Variants in PIGT observed in about 807,000 individuals in gnomAD.
The protein encoded by PIGT is phosphatidylinositol glycan anchor biosynthesis class T, also known as GPI-anchor transamidase component PIGT.
PIGT carries 57 observed loss-of-function variants against 66.7 expected under a neutral mutation model. The ratio of observed to expected loss-of-function variants is 0.86; its 90% CI spans 0.69 to 1.07. The LOEUF (loss-of-function observed/expected upper bound fraction) is 1.07, where lower values mean the gene tolerates loss of function less well. Ranked by LOEUF, PIGT falls within the 50% of genes least tolerant of loss-of-function variation. The probability of loss-of-function intolerance (pLI) is 0.00; values close to 1 mark genes in which losing one functional copy is unlikely to be tolerated. For synonymous variants in PIGT, 362 were observed against 320.5 expected, an observed-to-expected ratio of 1.13 and a Z score of -1.38; for missense variants, 725 against 740.4, an observed-to-expected ratio of 0.98 and a Z score of 0.24.
intron 2 of PIGT, 164 bp downstream of exon 2, chr20:45,416,858 C>T: frequency 5.1e-6 from 3 of 586,976 alleles, no homozygotes; most frequent in Non-Finnish European, 8.4e-6. Flanking sequence ...GATGAATAAA[C>T]TTCCCAATCC....
chr20:45,419,917 A>T (rs1295342475), intron 5 of PIGT: 2 of 601,578 alleles, frequency 3.3e-6, no homozygotes, highest in African/African-American at 3.7e-5. Flanking sequence ...TTGATAGTAG[A>T]ATCCACTCCT....
chr20:45,420,555 C>A lies in PIGT; in HGVS notation c.895C>A (p.Pro299Thr). 6.2e-7 allele frequency: 1 copy of A among 1,613,778 alleles called. No individual in the cohort carries two copies. Among genetic ancestry groups the A allele is most frequent in the Admixed American group, 1.7e-5 (1 of 59,986 alleles). Residue 299 changes from proline (P) to threonine (T), a missense_variant, in exon 8 of 12, where the codon CCC becomes ACC. This residue lies in a region of PIGT where 559 missense variants were observed against 552.7 expected (regional missense o/e 1.01). Coordinates refer to ENST00000279036, the MANE Select transcript of PIGT (RefSeq NM_015937.6). Reference protein sequence around the residue: ...QDNETLEVHPPPTTTYQDVIL... With the variant: ...QDNETLEVHPTPTTTYQDVIL... ...CAACGAGACATTAGAGGTGCACCCA[C>A]CCCCGACCACTACATATCAGGACGT...
Position 45,418,897 on chromosome 20 carries a change from C to G in PIGT, c.411C>G (p.Ile137Met), listed in dbSNP as rs976771346. 4 of 1,613,860 alleles carry G rather than the reference C, an allele frequency of 2.5e-6. No individual in the cohort carries two copies. The African/African-American group carries it at 5.3e-5, about 22-fold the overall frequency. The change falls in exon 3 of 12, where the codon ATC becomes ATG. Residue 137 changes from isoleucine (I) to methionine (M), a missense_variant. Physicochemically the swap from Ile to Met is conservative, Grantham distance 10. Transcript: ENST00000279036. ...AGCTCAGTAATGTCCTCTCAGGGAT[C>G]TTCTGCGCCTCTCTCAACTTCATCG... is the stretch of plus-strand genomic sequence containing the variant. ...WKELSNVLSG[I>M]FCASLNFIDS...
At chr20:45,422,123 C>T (rs935426010) in intron 9 of PIGT, 1 of 152,034 alleles carries the variant, frequency 6.6e-6, no homozygotes, top group African/African-American at 2.4e-5. Flanking sequence ...AGCACTAAAG[C>T]ACTTGCCTTT....
intron 2 of PIGT, chr20:45,418,212 A>G (rs1990110265): frequency 6.4e-6 from 1 of 155,876 alleles, no homozygotes; most frequent in South Asian, 1.9e-4. Flanking sequence ...ATCAGGACTT[A>G]CCTTTATTCC....
In PIGT at chr20:45,416,191, T is replaced by C. The variant is rs751422281; in HGVS notation, c.35T>C (p.Leu12Pro). 1.3e-6 allele frequency: 2 copies of C among 1,587,886 alleles called. No homozygotes were observed. The highest frequency in any genetic ancestry group is 1.7e-6 in the Non-Finnish European group (2 of 1,168,298). The change falls in exon 1 of 12, where the codon CTG becomes CCG. Residue 12 changes from leucine to proline, a missense_variant. By Grantham distance (98) the Leu-to-Pro change is moderately conservative. This residue lies in a region of PIGT where 559 missense variants were observed against 552.7 expected (regional missense o/e 1.01). Coordinates refer to ENST00000279036, the MANE Select transcript of PIGT (RefSeq NM_015937.6). ...AAAMPLALLV[L>P]LLLGPGGWCL... ...GCTATGCCGCTTGCTCTGCTCGTCCTGTTGCTCCTGGGGCCCGGCGGCTGG... is the reference window on the plus strand; with the variant it reads ...GCTATGCCGCTTGCTCTGCTCGTCCCGTTGCTCCTGGGGCCCGGCGGCTGG...
chr20:45,424,324 G>A lies in PIGT; in HGVS notation c.1343G>A (p.Arg448Gln), dbSNP rs148710839. 9.0e-5 allele frequency: 146 copies of A among 1,614,158 alleles called. No individual in the cohort carries two copies. The highest frequency in any genetic ancestry group is 7.5e-4 in the African/African-American group (56 of 75,026). The change falls in exon 10 of 12, where the codon CGG becomes CAG. Residue 448 changes from arginine (R) to glutamine (Q), a missense_variant. By Grantham distance (43) the Arg-to-Gln change is conservative (BLOSUM62 1). Coordinates refer to ENST00000279036, the MANE Select transcript of PIGT (RefSeq NM_015937.6). The stretch of plus-strand genomic sequence containing the variant: ...ACCAAGGTTTCCATCCAGTTTGAGC[G>A]GGCGCTGCTGAAGTGGACCGAGTAC... ...SVTKVSIQFE[R>Q]ALLKWTEYTP...
chr20:45,421,566 G>A lies in PIGT; in HGVS notation c.1217G>A (p.Gly406Asp). The A allele has an allele frequency of 6.2e-7, 1 of 1,614,072 alleles. No homozygotes were observed. The highest frequency in any genetic ancestry group is 8.5e-7 in the Non-Finnish European group (1 of 1,180,010). The change falls in exon 9 of 12, where the codon GGC (glycine) becomes GAC (aspartate). Residue 406 changes from glycine (G) to aspartate (D), a missense_variant. Transcript: ENST00000279036. The stretch of plus-strand genomic sequence containing the variant: ...CACACCCTCACCATCACCTCCAAGG[G>A]CAAGGAGAACAAACCAAGTGAGGAC... ...YVHTLTITSK[G>D]KENKPSYIHY...
intron 9 of PIGT, 140 bp downstream of exon 9, chr20:45,421,723 T>A: frequency 1.5e-6 from 1 of 670,576 alleles, no homozygotes; most frequent in Non-Finnish European, 2.6e-6. Flanking sequence ...GAATAGTTTC[T>A]CAAAACTGGA....
At chr20:45,416,487 A>G (rs1045567752) in intron 1 of PIGT, 30 bp from the exon 2 acceptor site, 2 of 1,604,038 alleles carry the variant, frequency 1.2e-6, no homozygotes, top group East Asian at 4.5e-5. Context: ...CGAGGTGGGG[A>G]TCGTCACTCA....
intron 2 of PIGT, chr20:45,418,263 C>G (rs886587208): frequency 5.7e-6 from 1 of 175,014 alleles, no homozygotes; most frequent in Non-Finnish European, 1.2e-5. Flanking sequence ...TTGCCCAGCC[C>G]AGCACATTCA....
Position 45,416,176 on chromosome 20 carries a change from T to C in PIGT, c.20T>C (p.Leu7Pro). The change falls in exon 1 of 12, where the codon CTT becomes CCT. Residue 7 changes from leucine to proline, a missense_variant. Physicochemically the swap from Leu to Pro is moderately conservative, Grantham distance 98. Around this residue, in one of 3 missense-constraint regions of PIGT, gnomAD observed 559 missense variants for 552.7 expected, o/e 1.01. Coordinates refer to ENST00000279036, the MANE Select transcript of PIGT (RefSeq NM_015937.6). Reference sequence around the variant, plus strand: ...GCAGGCATGGCGGCGGCTATGCCGCTTGCTCTGCTCGTCCTGTTGCTCCTG... The same window carrying C: ...GCAGGCATGGCGGCGGCTATGCCGCCTGCTCTGCTCGTCCTGTTGCTCCTG... MAAAMP[L>P]ALLVLLLLGP... The C allele has an allele frequency of 6.3e-7, 1 of 1,578,128 alleles. No homozygotes were observed. Among genetic ancestry groups the C allele is most frequent in the Non-Finnish European group, 8.6e-7 (1 of 1,163,776 alleles).
rs1252988043 is a variant in PIGT, at chr20:45,424,226, C to T, written c.1245C>T (p.His415=). ...KGKENKPSYI[H]YQPAQDRLQP... is the part of the protein sequence containing the mutation. ...CTTGCATGTCTCCAGGTTACATCCACTACCAGCCTGCCCAGGACCGGCTGC... is the reference window on the plus strand; with the variant it reads ...CTTGCATGTCTCCAGGTTACATCCATTACCAGCCTGCCCAGGACCGGCTGC... Residue 415 remains histidine (H), a synonymous_variant, in exon 10 of 12, where the codon CAC becomes CAT. Transcript: ENST00000279036. 2 of 1,614,152 alleles carry T rather than the reference C, an allele frequency of 1.2e-6. No individual in the cohort carries two copies. The highest frequency in any genetic ancestry group is 1.7e-6 in the Non-Finnish European group (2 of 1,180,008).
At chr20:45,416,731 A>G (rs1990004549) in intron 2 of PIGT, 37 bp downstream of exon 2, 1 of 1,566,928 alleles carries the variant, frequency 6.4e-7, no homozygotes, top group African/African-American at 1.4e-5. Context: ...CAGGCCATGG[A>G]GGGAATGTGG....
intron 2 of PIGT, 85 bp from the exon 3 acceptor site, chr20:45,418,767 C>G: frequency 2.0e-6 from 3 of 1,537,362 alleles, no homozygotes; most frequent in Non-Finnish European, 2.7e-6. Context: ...CTCCTCCTAT[C>G]ATAGGTTTAG....
In PIGT at chr20:45,419,550, G is replaced by A. The variant is rs755869697; in HGVS notation, c.641G>A (p.Ser214Asn). The A allele has an allele frequency of 6.2e-7, 1 of 1,614,158 alleles. No homozygotes were observed. The highest frequency in any genetic ancestry group is 8.5e-7 in the Non-Finnish European group (1 of 1,179,986). The change falls in exon 5 of 12, where the codon AGC (serine) becomes AAC (asparagine). Residue 214 changes from serine to asparagine, a missense_variant. Coordinates refer to ENST00000279036, the MANE Select transcript of PIGT (RefSeq NM_015937.6). Reference protein sequence around the residue: ...LLKADRLFHTSYHSQAVHIRP... With the variant: ...LLKADRLFHTNYHSQAVHIRP... The stretch of plus-strand genomic sequence containing the variant: ...AAGGCAGATCGCTTGTTCCACACCA[G>A]CTACCACTCCCAGGCAGTGCATATC...
In PIGT at chr20:45,419,348, A is replaced by C. The variant is rs587777027; in HGVS notation, c.547A>C (p.Thr183Pro). The change falls in exon 4 of 12, where the codon ACC becomes CCC. Residue 183 changes from threonine (T) to proline (P), a missense_variant. Thr to Pro is a conservative substitution (Grantham distance 38). Transcript: ENST00000279036. ...YAVLPREVVC[T>P]ENLTPWKKLL... ...TGTGCTGCCGCGGGAGGTGGTCTGCACCGAAAACCTCACCCCCTGGAAGAA... is the reference window on the plus strand; with the variant it reads ...TGTGCTGCCGCGGGAGGTGGTCTGCCCCGAAAACCTCACCCCCTGGAAGAA... 4 of 1,614,102 alleles carry C rather than the reference A, an allele frequency of 2.5e-6. No homozygotes were observed. The highest frequency in any genetic ancestry group is 3.4e-6 in the Non-Finnish European group (4 of 1,179,984).
Position 45,420,373 on chromosome 20 carries a change from C to G in PIGT, c.811C>G (p.Pro271Ala), listed in dbSNP as rs1382315632. Reference protein sequence around the residue: ...FRMFSRTLTEPCPLASESRVY... With the variant: ...FRMFSRTLTEACPLASESRVY... ...GATGTTCTCCCGAACCCTCACGGAG[C>G]CCTGCCCCCTGGCTTCAGAGAGCCG... Residue 271 changes from proline to alanine, a missense_variant, in exon 7 of 12, where the codon CCC becomes GCC. Transcript: ENST00000279036. 2 of 1,613,706 alleles carry G rather than the reference C, an allele frequency of 1.2e-6. No homozygotes were observed. The highest frequency in any genetic ancestry group is 2.2e-5 in the South Asian group (2 of 91,018).
rs1990587546 is a variant in PIGT at position 45,424,502 on chromosome 20, T to G, written c.1407T>G (p.Ser469=). Residue 469 remains serine (S), a synonymous_variant, in exon 11 of 12, where the codon TCT becomes TCG. Transcript: ENST00000279036. ...TCTCTCTGCTTCTCTGTAGCCCATC[T>G]GTCCTCAGCGCCCTTGTGCCCAGCA... The part of the protein sequence containing the change: ...DPNHGFYVSP[S]VLSALVPSMV... The G allele has an allele frequency of 3.7e-6, 6 of 1,614,226 alleles. No homozygotes were observed. Among genetic ancestry groups the G allele is most frequent in the Non-Finnish European group, 5.1e-6 (6 of 1,180,020 alleles).
Sources: gnomAD v4.1 joint callset for allele counts on GRCh38, gnomAD v4.1.1 for gene constraint, gnomAD v4.1.1 regional missense constraint, MANE v1.5 for transcripts, NCBI Gene and HGNC (gene_info 2026-07-23, HGNC 2026-07-21) for gene names.